Variants in NFX1 observed in about 807,000 individuals in gnomAD.
NFX1 encodes the protein transcriptional repressor NF-X1.
Under a neutral mutation model 137.2 loss-of-function variants are expected in NFX1, and 69 were observed. The ratio of observed to expected loss-of-function variants is 0.50; its 90% CI spans 0.41 to 0.61. NFX1 has a LOEUF of 0.61. Ranked by LOEUF, NFX1 falls within the 20% of genes least tolerant of loss-of-function variation. The probability of loss-of-function intolerance (pLI) is 0.00; values close to 1 mark genes in which losing one functional copy is unlikely to be tolerated. For missense variants in NFX1, 1,167 were observed against 1,391.0 expected, an observed-to-expected ratio of 0.84 and a Z score of 2.56; for synonymous variants, 495 against 474.1, an observed-to-expected ratio of 1.04 and a Z score of -0.57.
At chr9:33,316,962 C>G (rs1822184610) in intron 7 of NFX1, among the ~76,000 whole-genome samples, 1 of 152,170 alleles carries the variant, frequency 6.6e-6, no homozygotes, top group Non-Finnish European at 1.5e-5. Context: ...TCTGTTTGAG[C>G]AGAAACTTAG....
chr9:33,290,689 C>T (rs1821124193), intron 1 of NFX1, 92 bp downstream of exon 1: 3 of 1,327,740 alleles, frequency 2.3e-6, no homozygotes, highest in East Asian at 4.7e-5. Flanking sequence ...ACTCATATCG[C>T]GAGAGTAGCA....
intron 13 of NFX1, 78 bp from the exon 14 acceptor site, chr9:33,343,991 G>A: frequency 6.3e-7 from 1 of 1,576,468 alleles, no homozygotes; most frequent in Non-Finnish European, 8.7e-7. Flanking sequence ...AAAAATGTGT[G>A]TGTTTGTGTG....
At chr9:33,331,736 T>G (rs1822814474) in intron 10 of NFX1, among the ~76,000 whole-genome samples, 1 of 151,614 alleles carries the variant, frequency 6.6e-6, no homozygotes, top group Admixed American at 6.6e-5. Context: ...AAGAGGGGAC[T>G]TTTAAAGTCA....
At chr9:33,362,920 T>C (rs1011130953) in intron 19 of NFX1, among the ~76,000 whole-genome samples, 42 of 152,004 alleles carry the variant, frequency 2.8e-4, no homozygotes, top group African/African-American at 1.0e-3. Flanking sequence ...GTCAGGCTGG[T>C]CTCGAGCTCC....
chr9:33,357,004 A>T (rs1415706675), intron 19 of NFX1, among the ~76,000 whole-genome samples: 3 of 151,788 alleles, frequency 2.0e-5, no homozygotes, highest in Admixed American at 2.0e-4. Flanking sequence ...AAAAAAAAAA[A>T]AAAAATAAGC....
At chr9:33,341,374 G>A (rs748653854) in intron 12 of NFX1, among the ~76,000 whole-genome samples, 14 of 152,100 alleles carry the variant, frequency 9.2e-5, no homozygotes, top group Non-Finnish European at 1.5e-4. Flanking sequence ...CCCCCACCAT[G>A]ATTTAGTTAA....
chr9:33,318,957 AG>A lies in NFX1; in HGVS notation c.1737del (p.Gln579HisfsTer27). The A allele has an allele frequency of 6.2e-7, 1 of 1,614,220 alleles. No homozygotes were observed. Among genetic ancestry groups the A allele is most frequent in the Non-Finnish European group, 8.5e-7 (1 of 1,180,034 alleles). ...ACATGTTCGCAAGTGTGCCACCCTC[AG>A]CCCTGCCAGCAATGCCCACGGCTCC... ...NHTCSQVCHP[Q>X]PCQQCPRLPQ... is the part of the protein sequence containing the mutation. On this transcript the variant is annotated frameshift_variant, in exon 9 of 24. Coordinates refer to ENST00000379540, the MANE Select transcript of NFX1 (RefSeq NM_002504.6). LOFTEE classifies it high-confidence loss of function.
chr9:33,292,593 T>G (rs1177128662), intron 1 of NFX1, among the ~76,000 whole-genome samples: 1 of 152,250 alleles, frequency 6.6e-6, no homozygotes, highest in African/African-American at 2.4e-5. Flanking sequence ...ATCTTTGCCA[T>G]GGCCAGTTTC....
chr9:33,327,497 T>C (rs1822638083), intron 9 of NFX1, among the ~76,000 whole-genome samples: 1 of 152,228 alleles, frequency 6.6e-6, no homozygotes, highest in Non-Finnish European at 1.5e-5. Flanking sequence ...CCTGAGTCGC[T>C]GGGATTACAG....
intron 22 of NFX1, 96 bp downstream of exon 22, chr9:33,366,870 T>G (rs1824186376): frequency 7.2e-7 from 1 of 1,395,306 alleles, no homozygotes; most frequent in Non-Finnish European, 9.6e-7. Flanking sequence ...TTACTACCAC[T>G]CTCCCTCTTG....
At chr9:33,302,881 G>A (rs1297974481) in intron 3 of NFX1, among the ~76,000 whole-genome samples, 1 of 151,308 alleles carries the variant, frequency 6.6e-6, no homozygotes, top group East Asian at 1.9e-4. Context: ...TGTTAGCCAG[G>A]GTGGTCTCAA....
Position 33,370,174 on chromosome 9 carries a change from C to A in NFX1, c.*196C>A, listed in dbSNP as rs1824285714. The A allele has an allele frequency of 7.9e-6, 4 of 504,644 alleles. No individual in the cohort carries two copies. The highest frequency in any genetic ancestry group is 1.4e-5 in the Non-Finnish European group (4 of 288,806). The allele number at this position is 504,644 out of a possible 1,614,324, so 31.3% of individuals were successfully genotyped here. ...GTCTGTATAAAGTGTTTCATTATGA[C>A]CAGATCTCTGATTGTATGGTCACTA... On this transcript the variant is annotated 3_prime_UTR_variant, in exon 24 of 24. Transcript: ENST00000379540.
In NFX1 at chr9:33,364,763, G is replaced by T. The variant is rs1824121182; in HGVS notation, c.3028G>T (p.Ala1010Ser). The change falls in exon 21 of 24, where the codon GCC becomes TCC. Residue 1010 changes from alanine to serine, a missense_variant. Physicochemically the swap from Ala to Ser is moderately conservative, Grantham distance 99. Around this residue, in one of 3 missense-constraint regions of NFX1, gnomAD observed 312 missense variants for 312.8 expected, o/e 1.00. Transcript: ENST00000379540. ...GAAGGAAATGGAAACCCTCGTGGAGGCCGTGAATAAGGTTGAAGTCGAAAC... is the reference window on the plus strand; with the variant it reads ...GAAGGAAATGGAAACCCTCGTGGAGTCCGTGAATAAGGTTGAAGTCGAAAC... ...VEKEMETLVE[A>S]VNKGKNSKKS... The T allele has an allele frequency of 6.2e-7, 1 of 1,613,908 alleles. No homozygotes were observed.
rs553095694 is a variant in NFX1, at chr9:33,359,942, T to C, written c.2874-4068T>C. On this transcript the variant is annotated intron_variant, in intron 19 of 23. Transcript: ENST00000379540. ...TACCTTGAAGTTTGACTTTCAGCAATTTTAATAGTACCTCTTTACATATTA... is the reference window on the plus strand; with the variant it reads ...TACCTTGAAGTTTGACTTTCAGCAACTTTAATAGTACCTCTTTACATATTA... Among the ~76,000 whole-genome samples the C allele has an allele frequency of 7.2e-5, 11 of 152,338 alleles. No individual in the cohort carries two copies. The East Asian group carries it at 2.1e-3, about 29-fold the overall frequency.
intron 15 of NFX1, among the ~76,000 whole-genome samples, chr9:33,350,477 G>A (rs1286386186): frequency 8.5e-5 from 13 of 152,196 alleles, no homozygotes; most frequent in Admixed American, 8.5e-4. Flanking sequence ...GTTAGTCATA[G>A]CATTTTCAAG....
intron 19 of NFX1, 54 bp from the exon 20 acceptor site, chr9:33,363,956 C>A: frequency 1.6e-6 from 2 of 1,266,318 alleles, no homozygotes; most frequent in South Asian, 1.5e-5. Flanking sequence ...GGGGTTACTG[C>A]AAGATAGTTT....
chr9:33,342,126 T>TCACACA (rs1473181302), intron 12 of NFX1, among the ~76,000 whole-genome samples: 4 of 141,500 alleles, frequency 2.8e-5, no homozygotes, highest in Non-Finnish European at 6.0e-5. Context: ...TGTCTCTCTC[T>TCACACA]CTCACACACA....
intron 21 of NFX1, chr9:33,365,068 GTTCTA>G: frequency 1.1e-6 from 1 of 930,784 alleles, no homozygotes; most frequent in South Asian, 2.7e-5. Flanking sequence ...GAGGTCAGGA[GTTCTA>G]GATCAGCTTG....
At chr9:33,358,044 A>G (rs1223832052) in intron 19 of NFX1, among the ~76,000 whole-genome samples, 4 of 152,044 alleles carry the variant, frequency 2.6e-5, no homozygotes, top group Admixed American at 6.6e-5. Flanking sequence ...ATGGTTTTCT[A>G]TATATAAATT....
Sources: gnomAD v4.1 joint callset for allele counts (sites outside exome capture counted in the v4.1 genomes callset) on GRCh38, gnomAD v4.1.1 for gene constraint, gnomAD v4.1.1 regional missense constraint, MANE v1.5 for transcripts, NCBI Gene and HGNC (gene_info 2026-07-23, HGNC 2026-07-21) for gene names.